Variants in ZNF782 observed in about 807,000 individuals in gnomAD.
ZNF782 encodes the protein zinc finger protein 782.
ZNF782 carries 12 observed loss-of-function variants against 13.0 expected under a neutral mutation model. The ratio of observed to expected loss-of-function variants is 0.92; its 90% CI spans 0.59 to 1.50. ZNF782 has a LOEUF of 1.50. Among genes scored for constraint, ZNF782 ranks in the 40% most tolerant of loss-of-function variants. The pLI is 0.00. For missense variants in ZNF782, 770 were observed against 822.9 expected (o/e 0.94, Z 0.79); for synonymous variants, 284 against 283.0 (o/e 1.00, Z -0.04).
intron 5 of ZNF782, among the ~76,000 whole-genome samples, chr9:96,820,045 G>A (rs776851955): frequency 6.6e-6 from 1 of 151,960 alleles, no homozygotes; most frequent in Non-Finnish European, 1.5e-5. Flanking sequence ...TAGAGAAGAG[G>A]ATATAAATCA....
the ZNF782 span, chr9:96,891,559 GTCTTTTTT>G: frequency 6.8e-6 from 1 of 147,040 alleles, no homozygotes; most frequent in Non-Finnish European, 1.5e-5. Flanking sequence ...GCTCTGTTAA[GTCTTTTTT>G]TTTTTTTTTT....
chr9:96,831,763 A>T (rs1214932797), intron 4 of ZNF782, among the ~76,000 whole-genome samples: 2 of 151,450 alleles, frequency 1.3e-5, no homozygotes, highest in African/African-American at 4.9e-5. Context: ...ATGTAACATC[A>T]CTCTGTTACC....
At chr9:96,852,034 G>C (rs564792646) in intron 2 of ZNF782, 29 bp from the exon 3 acceptor site, 3 of 1,466,116 alleles carry the variant, frequency 2.0e-6, no homozygotes, top group Admixed American at 1.7e-5. Context: ...GATGTCACAC[G>C]GTCTCGCCTA....
the ZNF782 span, among the ~76,000 whole-genome samples, chr9:96,915,998 ACAG>A: frequency 1.3e-5 from 2 of 151,350 alleles, no homozygotes; most frequent in African/African-American, 4.8e-5. Flanking sequence ...AGAAGTTTAT[ACAG>A]CAGTGAAGGA....
At chr9:96,835,831 C>T (rs1850975112) in intron 4 of ZNF782, among the ~76,000 whole-genome samples, 1 of 152,240 alleles carries the variant, frequency 6.6e-6, no homozygotes, top group African/African-American at 2.4e-5. Flanking sequence ...TGCAGAGACC[C>T]TCTGCTAGGG....
At chr9:96,866,759 C>G (rs188235695) in intron 1 of ZNF782, among the ~76,000 whole-genome samples, 31 of 152,378 alleles carry the variant, frequency 2.0e-4, no homozygotes, top group Admixed American at 8.5e-4. Context: ...AAGGGCAGAG[C>G]TGCCCAAACC....
chr9:96,875,426 G>A (rs758158215), intron 1 of ZNF782: 5 of 455,094 alleles, frequency 1.1e-5, no homozygotes, highest in Admixed American at 2.4e-5. Flanking sequence ...ATTTTCAGGC[G>A]AGAAACCTCT....
chr9:96,898,782 GGTGATCCACCCACCTGGGCCTCCCAAA>G, the ZNF782 span, among the ~76,000 whole-genome samples: 2 of 147,822 alleles, frequency 1.4e-5, no homozygotes, highest in African/African-American at 5.1e-5. Flanking sequence ...TCTGACCTCA[GGTGATCCACCCACCTGGGCCTCCCAAA>G]GTGTTCCACC....
At chr9:96,902,851 GAA>G in the ZNF782 span, 2 of 149,900 alleles carry the variant, frequency 1.3e-5, no homozygotes, top group Non-Finnish European at 3.0e-5. Flanking sequence ...CACCCAGGCT[GAA>G]GTACACTGGC....
intron 5 of ZNF782, among the ~76,000 whole-genome samples, chr9:96,820,130 T>TA (rs1850359843): frequency 1.3e-5 from 2 of 152,140 alleles, no homozygotes; most frequent in Admixed American, 6.5e-5. Flanking sequence ...ATGGGATGAA[T>TA]AAAAAAAGAT....
At chr9:96,860,094 C>T (rs1368623036) in intron 3 of ZNF782, 2 of 152,204 alleles carry the variant, frequency 1.3e-5, no homozygotes, top group Non-Finnish European at 2.9e-5. Flanking sequence ...AGTGCCAGCT[C>T]AGCGATGGTA....
chr9:96,836,488 A>G (rs1851007548), intron 4 of ZNF782, among the ~76,000 whole-genome samples: 1 of 152,218 alleles, frequency 6.6e-6, no homozygotes, highest in African/African-American at 2.4e-5. Flanking sequence ...GGTGTGAGCC[A>G]CCATGCCTGC....
intron 3 of ZNF782, among the ~76,000 whole-genome samples, chr9:96,848,268 C>T (rs542073394): frequency 2.0e-5 from 3 of 152,194 alleles, no homozygotes; most frequent in South Asian, 2.1e-4. Flanking sequence ...CAAGGATGCC[C>T]GCTTTCACCA....
intron 1 of ZNF782, among the ~76,000 whole-genome samples, chr9:96,866,025 C>A (rs1851750029): frequency 6.6e-6 from 1 of 152,134 alleles, no homozygotes; most frequent in Non-Finnish European, 1.5e-5. Flanking sequence ...GGACACAGAG[C>A]ATAAAAGTTT....
intron 4 of ZNF782, among the ~76,000 whole-genome samples, chr9:96,839,957 A>G (rs1851137600): frequency 6.6e-6 from 1 of 152,156 alleles, no homozygotes; most frequent in Non-Finnish European, 1.5e-5. Context: ...TGCTCTTACA[A>G]ACAATGCTGC....
chr9:96,827,125 A>T lies in ZNF782; in HGVS notation c.199T>A (p.Trp67Arg). The T allele has an allele frequency of 6.2e-7, 1 of 1,612,666 alleles. No individual in the cohort carries two copies. The highest frequency in any genetic ancestry group is 1.3e-5 in the African/African-American group (1 of 74,970). ...AATCCTTTCTCTTTCTCTAATAACC[A>T]TGGATCTTCTCCTTGTTCCAATGTG... Reference protein sequence around the residue: ...IFTLEQGEDPWLLEKEKGFLS... With the variant: ...IFTLEQGEDPRLLEKEKGFLS... Residue 67 changes from tryptophan (W) to arginine (R), a missense_variant, in exon 5 of 6, where the codon TGG becomes AGG. Coordinates refer to ENST00000481138, the MANE Select transcript of ZNF782 (RefSeq NM_001001662.3).
the ZNF782 span, among the ~76,000 whole-genome samples, chr9:96,908,065 A>C: frequency 2.6e-5 from 4 of 152,024 alleles, no homozygotes; most frequent in African/African-American, 9.7e-5. Context: ...CACAATGGAC[A>C]CAGTCTGATA....
chr9:96,879,559 T>C (rs1470323680), upstream of ZNF782, among the ~76,000 whole-genome samples: 1 of 152,098 alleles, frequency 6.6e-6, no homozygotes, highest in Non-Finnish European at 1.5e-5. Context: ...TAAAAGGGAC[T>C]TTTACAAAGC....
intron 5 of ZNF782, among the ~76,000 whole-genome samples, chr9:96,826,786 C>T (rs989238188): frequency 7.2e-5 from 11 of 152,114 alleles, no homozygotes; most frequent in African/African-American, 2.4e-4. Flanking sequence ...CAGAGGGTGT[C>T]TACATGATTA....
Sources: allele counts gnomAD v4.1 joint callset (sites outside exome capture counted in the v4.1 genomes callset), GRCh38; gene constraint gnomAD v4.1.1; transcripts MANE v1.5; gene names NCBI Gene and HGNC (gene_info 2026-07-23, HGNC 2026-07-21).